The following WDR72 variants were observed in gnomAD, a reference collection of about 807,000 sequenced individuals.
The protein encoded by WDR72 is WD repeat domain 72, also known as WD repeat-containing protein 72.
WDR72 carries 120 observed loss-of-function variants against 124.2 expected under a neutral mutation model. That is an observed-to-expected ratio of 0.97 (90% CI 0.83 to 1.12). WDR72 has a LOEUF of 1.12. WDR72 is among the 50% of genes most tolerant of loss of function. The pLI, the probability that WDR72 is intolerant of heterozygous loss-of-function variation, is 0.00. For synonymous variants in WDR72, 452 were observed against 441.7 expected (o/e 1.02, Z -0.29); for missense variants, 1,387 against 1,278.8 (o/e 1.08, Z -1.29).
At chr15:53,570,928 A>T (rs1894502692) in intron 18 of WDR72, among the ~76,000 whole-genome samples, 1 of 152,214 alleles carries the variant, frequency 6.6e-6, no homozygotes, top group Non-Finnish European at 1.5e-5. Flanking sequence ...TGTCCTTTGC[A>T]GCGACATGGA....
intron 19 of WDR72, 140 bp from the exon 20 acceptor site, chr15:53,517,894 A>G: frequency 1.3e-6 from 1 of 757,476 alleles, no homozygotes; most frequent in Admixed American, 2.3e-5. Context: ...GAAAAAAAGA[A>G]AGAAAGGAAG....
Position 53,548,698 on chromosome 15 carries a change from AC to A in WDR72, c.3149-25377del, listed in dbSNP as rs1489463976. 4.6e-5 allele frequency among the ~76,000 whole-genome samples: 7 copies of A among 152,024 alleles called. No individual in the cohort carries two copies. The East Asian group carries it at 7.8e-4, about 17-fold the overall frequency. On this transcript the variant is annotated intron_variant, in intron 18 of 19. Coordinates refer to ENST00000360509, the MANE Select transcript of WDR72 (RefSeq NM_182758.4). ...TGGGGAACTATAGCATGATTATAAA[AC>A]GTTACATACTATTTAGTAGTTTATA...
chr15:53,755,152 T>G (rs2018867689), intron 1 of WDR72, among the ~76,000 whole-genome samples: 1 of 152,222 alleles, frequency 6.6e-6, no homozygotes, highest in East Asian at 1.9e-4. Flanking sequence ...TCAAGAGAGT[T>G]GCTCTAACTT....
chr15:53,534,251 T>C (rs980085266), intron 18 of WDR72, among the ~76,000 whole-genome samples: 7 of 152,156 alleles, frequency 4.6e-5, no homozygotes, highest in Non-Finnish European at 7.4e-5. Flanking sequence ...ACTGAAGAAG[T>C]CTACTTTATT....
chr15:53,738,666 G>A (rs892501299), intron 1 of WDR72, among the ~76,000 whole-genome samples: 6 of 152,032 alleles, frequency 3.9e-5, no homozygotes, highest in African/African-American at 1.2e-4. Flanking sequence ...GCGTGATCTC[G>A]GCTCACTGCA....
intron 18 of WDR72, among the ~76,000 whole-genome samples, chr15:53,573,367 C>G (rs975250924): frequency 1.3e-5 from 2 of 152,128 alleles, no homozygotes; most frequent in African/African-American, 4.8e-5. Context: ...TATACATGTG[C>G]CTTTCTTTTC....
intron 4 of WDR72, 51 bp from the exon 5 acceptor site, chr15:53,715,418 T>C: frequency 6.2e-7 from 1 of 1,603,788 alleles, no homozygotes. Flanking sequence ...AAAATTAACA[T>C]AATTTGGCTA....
intron 18 of WDR72, among the ~76,000 whole-genome samples, chr15:53,576,284 C>T (rs1894752738): frequency 6.6e-6 from 1 of 152,144 alleles, no homozygotes; most frequent in Non-Finnish European, 1.5e-5. Flanking sequence ...AAGATAATCA[C>T]ACTTGAAAGG....
chr15:53,652,658 A>G (rs1171618469), intron 14 of WDR72, among the ~76,000 whole-genome samples: 1 of 152,206 alleles, frequency 6.6e-6, no homozygotes, highest in Non-Finnish European at 1.5e-5. Context: ...CCTGATATAC[A>G]ACGCAATCCT....
chr15:53,632,390 C>T (rs1450529366), intron 14 of WDR72, among the ~76,000 whole-genome samples: 3 of 151,976 alleles, frequency 2.0e-5, no homozygotes, highest in Non-Finnish European at 4.4e-5. Flanking sequence ...ATCTCAGAGG[C>T]CATATGGAAA....
At chr15:53,538,571 C>T (rs1364702835) in intron 18 of WDR72, among the ~76,000 whole-genome samples, 3 of 152,104 alleles carry the variant, frequency 2.0e-5, no homozygotes, top group African/African-American at 7.2e-5. Flanking sequence ...TATAAAATAA[C>T]ATCAAAAAAT....
chr15:53,726,326 G>A, intron 2 of WDR72, among the ~76,000 whole-genome samples: 1 of 102,530 alleles, frequency 9.8e-6, no homozygotes, highest in Non-Finnish European at 1.8e-5. Flanking sequence ...TAATGGTGAG[G>A]GAGACTGTGT....
chr15:53,613,936 C>T (rs2013653423), intron 15 of WDR72, among the ~76,000 whole-genome samples, 179 bp from the exon 16 acceptor site: 1 of 143,176 alleles, frequency 7.0e-6, no homozygotes, highest in South Asian at 2.3e-4. Context: ...ACTTTGCTCC[C>T]ACCTAAAATC....
intron 14 of WDR72, 116 bp downstream of exon 14, chr15:53,665,456 A>G (rs917934602): frequency 2.1e-5 from 23 of 1,105,454 alleles, no homozygotes; most frequent in Non-Finnish European, 2.7e-5. Context: ...TAGATGCAGC[A>G]GTCTCTTAGT....
chr15:53,712,825 A>C lies in WDR72; in HGVS notation c.658T>G (p.Phe220Val). The C allele has an allele frequency of 6.2e-7, 1 of 1,613,900 alleles. No homozygotes were observed. The highest frequency in any genetic ancestry group is 1.1e-5 in the South Asian group (1 of 91,050). ...AGAAGTCTCTCAGTATATGTGCAAA[A>C]TCGAATTGTCTGGCAGTTCAAGGAC... ...LESLNCQTIRFCTYTERLLLV... is the reference protein window; with the variant it reads ...LESLNCQTIRVCTYTERLLLV... The change falls in exon 7 of 20, where the codon TTT (phenylalanine) becomes GTT (valine). Residue 220 changes from phenylalanine to valine, a missense_variant. Phe to Val is a conservative substitution (Grantham distance 50, BLOSUM62 -1). Coordinates refer to ENST00000360509, the MANE Select transcript of WDR72 (RefSeq NM_182758.4).
At chr15:53,706,350 GTATATA>G (rs56246540) in intron 9 of WDR72, among the ~76,000 whole-genome samples, 114 of 25,710 alleles carry the variant, frequency 4.4e-3, no homozygotes, top group East Asian at 9.0e-3. Flanking sequence ...GTGTGTGTGT[GTATATA>G]TATATATATA....
intron 13 of WDR72, among the ~76,000 whole-genome samples, chr15:53,666,883 G>A (rs762581727): frequency 5.9e-5 from 9 of 152,060 alleles, no homozygotes; most frequent in Non-Finnish European, 1.2e-4. Flanking sequence ...CCATTAGCTG[G>A]CACTGTGGAT....
In WDR72 at chr15:53,569,101, C is replaced by T. The variant is rs1437552457; in HGVS notation, c.3148+27978G>A. Among the ~76,000 whole-genome samples the T allele has an allele frequency of 4.6e-5, 7 of 151,484 alleles. No homozygotes were observed. The East Asian group carries it at 1.2e-3, about 25-fold the overall frequency. ...TAAAGTTTTCTTTCCTTTCACAGGA[C>T]TTATGGTCTGTTTCTTTCTGCACAT... On this transcript the variant is annotated intron_variant, in intron 18 of 19. Transcript: ENST00000360509.
chr15:53,673,959 C>G (rs923651370), intron 13 of WDR72, among the ~76,000 whole-genome samples: 4 of 151,992 alleles, frequency 2.6e-5, no homozygotes, highest in Non-Finnish European at 5.9e-5. Context: ...CCATTGCACT[C>G]CAGCTTGGGC....
Sources: allele counts gnomAD v4.1 joint callset (sites outside exome capture counted in the v4.1 genomes callset), GRCh38; gene constraint gnomAD v4.1.1; transcripts MANE v1.5; gene names NCBI Gene and HGNC (gene_info 2026-07-23, HGNC 2026-07-21).